The following KCNIP4 variants were observed in gnomAD, a reference collection of about 807,000 sequenced individuals.
KCNIP4 encodes the protein Kv channel-interacting protein 4.
Under a neutral mutation model 34.0 loss-of-function variants are expected in KCNIP4, and 12 were observed. That is an observed-to-expected ratio of 0.35 (90% confidence interval 0.23 to 0.57). The LOEUF (loss-of-function observed/expected upper bound fraction) is 0.57. KCNIP4 is among the 20% of genes least tolerant of loss of function. The pLI is 0.83. For missense variants in KCNIP4, 238 were observed against 311.7 expected, an observed-to-expected ratio of 0.76 and a Z score of 1.78; for synonymous variants, 124 against 102.2, an observed-to-expected ratio of 1.21 and a Z score of -1.29.
At chr4:21,030,176 C>T (rs1740894370) in intron 1 of KCNIP4, among the ~76,000 whole-genome samples, 1 of 152,110 alleles carries the variant, frequency 6.6e-6, no homozygotes, top group Non-Finnish European at 1.5e-5. Flanking sequence ...GCTTGCATTA[C>T]TGCCTGAGCT....
intron 1 of KCNIP4, among the ~76,000 whole-genome samples, chr4:21,729,004 C>T (rs1357054727): frequency 2.0e-5 from 3 of 152,132 alleles, no homozygotes; most frequent in Non-Finnish European, 4.4e-5. Context: ...CACACATGCA[C>T]GCTTGTTCCT....
chr4:21,291,915 GAAAGAAA>G lies in KCNIP4; in HGVS notation c.62-409213_62-409207del, dbSNP rs1763531837. On this transcript the variant is annotated intron_variant, in intron 1 of 8. Transcript: ENST00000382152. ...AGAAAGAAAGAAAGAAAGAAAGAAA[GAAAGAAA>G]GAAAGAAAGAAAGAAAAAAAAAGAA... is the stretch of plus-strand genomic sequence containing the variant. Among the ~76,000 whole-genome samples, 3 of 60,634 alleles carry G rather than the reference GAAAGAAA, an allele frequency of 4.9e-5. No individual in the cohort carries two copies. The East Asian group carries it at 1.4e-3, about 28-fold the overall frequency. The allele number at this position is 60,634 out of a possible 152,430, so 39.8% of individuals were successfully genotyped here.
intron 1 of KCNIP4, among the ~76,000 whole-genome samples, chr4:21,216,981 C>G (rs143847813): frequency 1.8e-3 from 271 of 152,270 alleles, no homozygotes; most frequent in African/African-American, 6.2e-3. Flanking sequence ...ACTCTGAATA[C>G]CTATTGTGAT....
At chr4:21,140,487 A>T (rs947524685) in intron 1 of KCNIP4, among the ~76,000 whole-genome samples, 2 of 152,124 alleles carry the variant, frequency 1.3e-5, no homozygotes, top group Non-Finnish European at 2.9e-5. Flanking sequence ...GCACAATGTT[A>T]ACATAACGCA....
intron 1 of KCNIP4, among the ~76,000 whole-genome samples, chr4:21,276,361 CTTTT>C (rs3080866): frequency 1.0e-4 from 13 of 129,198 alleles, no homozygotes; most frequent in Admixed American, 2.4e-4. Context: ...GAGATTTTCT[CTTTT>C]TTTTTTTTTT....
chr4:20,863,218 T>G (rs748652328), intron 2 of KCNIP4, among the ~76,000 whole-genome samples: 1 of 152,040 alleles, frequency 6.6e-6, no homozygotes, highest in Non-Finnish European at 1.5e-5. Context: ...ATTTGGTGAG[T>G]AGGGGCTCAG....
chr4:20,896,362 TGTTCATCTA>T (rs1263248905), intron 1 of KCNIP4, among the ~76,000 whole-genome samples: 2 of 152,242 alleles, frequency 1.3e-5, no homozygotes, highest in Non-Finnish European at 2.9e-5. Flanking sequence ...CAAAAATTCA[TGTTCATCTA>T]GAACTTCAGA....
chr4:21,119,248 C>G (rs1055971620), intron 1 of KCNIP4, among the ~76,000 whole-genome samples: 1 of 151,976 alleles, frequency 6.6e-6, no homozygotes, highest in East Asian at 1.9e-4. Context: ...AGAAGTGGAA[C>G]TTTAGCTTCC....
intron 1 of KCNIP4, among the ~76,000 whole-genome samples, chr4:21,814,127 G>C (rs1209586691): frequency 1.3e-5 from 2 of 152,104 alleles, no homozygotes; most frequent in East Asian, 3.9e-4. Flanking sequence ...AGGTCACACT[G>C]CTAGTGACTG....
At chr4:21,640,050 C>T (rs1026649265) in intron 1 of KCNIP4, among the ~76,000 whole-genome samples, 2 of 152,162 alleles carry the variant, frequency 1.3e-5, no homozygotes, top group Admixed American at 1.3e-4. Context: ...GAATTTTGTT[C>T]ACTTGATCTA....
chr4:21,110,907 A>C (rs187400499), intron 1 of KCNIP4, among the ~76,000 whole-genome samples: 1 of 152,300 alleles, frequency 6.6e-6, no homozygotes, highest in East Asian at 1.9e-4. Context: ...CACTCAGTCT[A>C]TGCCATTTTG....
intron 3 of KCNIP4, among the ~76,000 whole-genome samples, chr4:20,815,295 T>C (rs1716238530): frequency 6.6e-6 from 1 of 152,212 alleles, no homozygotes. Flanking sequence ...AATAGAATGA[T>C]GTCTACCATA....
At position 21,931,012 on chromosome 4, in the gene KCNIP4, A is replaced by G. The variant is rs553567948; in HGVS notation, c.61+17559T>C. ...CAAACTCTAAACTCATGGAGTCTCAATTGCTGAGAACCAAATTATGATTAG... is the reference window on the plus strand; with the variant it reads ...CAAACTCTAAACTCATGGAGTCTCAGTTGCTGAGAACCAAATTATGATTAG... On this transcript the variant is annotated intron_variant, in intron 1 of 8. Transcript: ENST00000382152. Among the ~76,000 whole-genome samples, 7 of 152,250 alleles carry G rather than the reference A, an allele frequency of 4.6e-5. No individual in the cohort carries two copies. In the East Asian group the frequency reaches 1.4e-3, roughly 29 times the overall value.
chr4:21,106,166 G>T (rs9683919), intron 1 of KCNIP4, among the ~76,000 whole-genome samples: 42,651 of 151,208 alleles, frequency 0.28, 6,876 homozygotes, highest in African/African-American at 0.41. Context: ...GTTTCAGAAG[G>T]AATGGTACCA....
At chr4:21,640,106 C>T (rs928346892) in intron 1 of KCNIP4, among the ~76,000 whole-genome samples, 2 of 152,152 alleles carry the variant, frequency 1.3e-5, no homozygotes, top group African/African-American at 4.8e-5. Flanking sequence ...GTAGCATTCC[C>T]ATCCATTTAA....
chr4:20,861,873 G>A (rs934252314), intron 2 of KCNIP4, among the ~76,000 whole-genome samples: 10 of 151,734 alleles, frequency 6.6e-5, no homozygotes, highest in Admixed American at 5.9e-4. Flanking sequence ...TCTTCAACAA[G>A]CTTAGATTTT....
chr4:21,069,836 C>A (rs1744729017), intron 1 of KCNIP4, among the ~76,000 whole-genome samples: 1 of 152,166 alleles, frequency 6.6e-6, no homozygotes, highest in Non-Finnish European at 1.5e-5. Context: ...GTACTTAACA[C>A]CAAAACACGA....
chr4:21,055,636 A>G (rs1743335736), intron 1 of KCNIP4, among the ~76,000 whole-genome samples: 1 of 152,214 alleles, frequency 6.6e-6, no homozygotes, highest in Admixed American at 6.5e-5. Flanking sequence ...AGGAAACTTG[A>G]GTTCCTATAT....
At chr4:21,860,951 C>T (rs911418827) in intron 1 of KCNIP4, among the ~76,000 whole-genome samples, 3 of 152,168 alleles carry the variant, frequency 2.0e-5, no homozygotes, top group South Asian at 2.1e-4. Context: ...ACCCAGTCAA[C>T]AGCCACTCCA....
Sources: allele counts gnomAD v4.1 joint callset (sites outside exome capture counted in the v4.1 genomes callset), GRCh38; gene constraint gnomAD v4.1.1; transcripts MANE v1.5; gene names NCBI Gene and HGNC (gene_info 2026-07-23, HGNC 2026-07-21).